The following KSR2 variants were observed in gnomAD, a reference collection of about 807,000 sequenced individuals.
The protein encoded by KSR2 is kinase suppressor of ras 2.
In KSR2, 25 loss-of-function variants were observed where a neutral mutation model predicts 107.8. The observed-to-expected ratio is 0.23, with a 90% CI of 0.17 to 0.32. KSR2 has a LOEUF of 0.32. Ranked by LOEUF, KSR2 falls within the 10% of genes least tolerant of loss-of-function variation. The pLI is 1.00. For missense variants in KSR2, 887 were observed against 1,268.9 expected, an observed-to-expected ratio of 0.70 and a Z score of 4.57; for synonymous variants, 480 against 507.0, an observed-to-expected ratio of 0.95 and a Z score of 0.71.
At position 117,527,645 on chromosome 12, in the gene KSR2, AG is replaced by A. The variant is rs573298838; in HGVS notation, c.1803-527del. On this transcript the variant is annotated intron_variant, in intron 12 of 19. Coordinates refer to ENST00000339824, the MANE Select transcript of KSR2 (RefSeq NM_173598.6). ...CGACTATTTAATAGATGTGTGTGCC[AG>A]GAACAGTGTTAGGCCCTTGGAGGGA... 1.1e-4 allele frequency among the ~76,000 whole-genome samples: 16 copies of A among 152,328 alleles called. 2 individuals are homozygous for A. The South Asian group carries it at 3.1e-3, about 30-fold the overall frequency.
chr12:117,589,013 A>T (rs548466861), intron 5 of KSR2, among the ~76,000 whole-genome samples: 1 of 152,364 alleles, frequency 6.6e-6, no homozygotes, highest in South Asian at 2.1e-4. Flanking sequence ...TAAGGAAAGT[A>T]AGGATAACTA....
intron 3 of KSR2, among the ~76,000 whole-genome samples, chr12:117,824,599 G>A (rs926905163): frequency 6.6e-6 from 1 of 152,224 alleles, no homozygotes; most frequent in Non-Finnish European, 1.5e-5. Flanking sequence ...GCTCATACCT[G>A]TAATCCCAGC....
chr12:117,780,096 G>A (rs1889834330), intron 3 of KSR2, among the ~76,000 whole-genome samples: 1 of 152,144 alleles, frequency 6.6e-6, no homozygotes, highest in Admixed American at 6.5e-5. Flanking sequence ...TGGATTACAA[G>A]TTGAAATGAT....
intron 9 of KSR2, among the ~76,000 whole-genome samples, chr12:117,547,418 A>G (rs942892088): frequency 5.9e-5 from 9 of 152,122 alleles, no homozygotes; most frequent in African/African-American, 2.2e-4. Flanking sequence ...ATCCTACCTC[A>G]GCAGGTGTGG....
rs376560191 is a variant in KSR2, at chr12:117,579,101, C to T, written c.1325+18G>A. The T allele has an allele frequency of 1.2e-6, 2 of 1,600,486 alleles. No homozygotes were observed. The highest frequency in any genetic ancestry group is 8.6e-7 in the Non-Finnish European group (1 of 1,169,522). ...CATCGGGTGCTGCGAAAAGTCACTG[C>T]AGGGCACAGTCACTTACTTGCAGTT... On this transcript the variant is annotated intron_variant, in intron 7 of 19. Coordinates refer to ENST00000339824, the MANE Select transcript of KSR2 (RefSeq NM_173598.6).
At chr12:117,621,372 A>C (rs1250874977) in intron 5 of KSR2, among the ~76,000 whole-genome samples, 5 of 152,220 alleles carry the variant, frequency 3.3e-5, no homozygotes, top group Non-Finnish European at 7.3e-5. Flanking sequence ...GGAATAATAC[A>C]GCAGTAGAGA....
intron 14 of KSR2, among the ~76,000 whole-genome samples, chr12:117,504,679 C>T (rs926495155): frequency 2.0e-5 from 3 of 152,038 alleles, no homozygotes; most frequent in African/African-American, 4.8e-5. Context: ...GGGACTGGTG[C>T]CACAGTATAT....
At chr12:117,627,532 A>G (rs191726112) in intron 5 of KSR2, among the ~76,000 whole-genome samples, 2 of 152,116 alleles carry the variant, frequency 1.3e-5, no homozygotes, top group East Asian at 3.9e-4. Context: ...ATTGGCCCCC[A>G]CTCTCTTCTG....
chr12:117,773,097 A>G (rs895583122), intron 3 of KSR2, among the ~76,000 whole-genome samples: 1 of 152,196 alleles, frequency 6.6e-6, no homozygotes, highest in Non-Finnish European at 1.5e-5. Context: ...GATGAGCTGT[A>G]TTGTATCAAC....
At chr12:117,666,322 A>C (rs77252495) in intron 5 of KSR2, among the ~76,000 whole-genome samples, 2,188 of 152,358 alleles carry the variant, frequency 0.014, 48 homozygotes, top group African/African-American at 0.051. Flanking sequence ...CAGAATTAAT[A>C]GATCTTGTCA....
At chr12:117,874,536 T>C (rs1171711433) in intron 1 of KSR2, among the ~76,000 whole-genome samples, 2 of 152,122 alleles carry the variant, frequency 1.3e-5, no homozygotes, top group African/African-American at 2.4e-5. Context: ...CCTGGCCCGA[T>C]TGTAAATATC....
chr12:117,900,317 A>G (rs1474115621), intron 1 of KSR2, among the ~76,000 whole-genome samples: 1 of 152,234 alleles, frequency 6.6e-6, no homozygotes, highest in African/African-American at 2.4e-5. Context: ...TCAGCTAATA[A>G]GAATCATAAT....
chr12:117,524,800 G>T, intron 14 of KSR2, 52 bp downstream of exon 14: 1 of 1,546,502 alleles, frequency 6.5e-7, no homozygotes, highest in Non-Finnish European at 8.7e-7. Context: ...TCTCAACCAT[G>T]CCAGAAGCAG....
Position 117,537,952 on chromosome 12 carries a change from G to A in KSR2, c.1687+1767C>T, listed in dbSNP as rs566659811. ...TTTGTGCACAGTTCTCCCATAAAAC[G>A]GCCCTTCCCCATCCCTTGGTCCATA... is the stretch of plus-strand genomic sequence containing the variant. On this transcript the variant is annotated intron_variant, in intron 10 of 19. Coordinates refer to ENST00000339824, the MANE Select transcript of KSR2 (RefSeq NM_173598.6). 3.9e-5 allele frequency among the ~76,000 whole-genome samples: 6 copies of A among 152,222 alleles called. 1 individual carries two copies. The South Asian group carries it at 1.0e-3, about 26-fold the overall frequency.
chr12:117,778,354 G>A (rs1380736437), intron 3 of KSR2, among the ~76,000 whole-genome samples: 3 of 152,134 alleles, frequency 2.0e-5, no homozygotes, highest in Admixed American at 6.5e-5. Flanking sequence ...GCCTCTCATA[G>A]TGCTGGGATT....
intron 14 of KSR2, among the ~76,000 whole-genome samples, chr12:117,504,664 TGACTGG>T (rs1238417776): frequency 4.6e-5 from 7 of 152,074 alleles, no homozygotes; most frequent in Admixed American, 2.6e-4. Flanking sequence ...TAGGAAGGGG[TGACTGG>T]GACTGGTGCC....
At chr12:117,729,982 A>G (rs1000644164) in intron 4 of KSR2, among the ~76,000 whole-genome samples, 10 of 152,196 alleles carry the variant, frequency 6.6e-5, no homozygotes, top group Non-Finnish European at 1.2e-4. Context: ...CTTATTAGCT[A>G]GGATAGGAGC....
At chr12:117,554,697 G>A (rs1487019152) in intron 9 of KSR2, among the ~76,000 whole-genome samples, 1 of 152,184 alleles carries the variant, frequency 6.6e-6, no homozygotes, top group Non-Finnish European at 1.5e-5. Flanking sequence ...CATATAAGAT[G>A]TGCCTTTCGC....
At chr12:117,499,504 G>A (rs1201522383) in intron 14 of KSR2, among the ~76,000 whole-genome samples, 1 of 152,166 alleles carries the variant, frequency 6.6e-6, no homozygotes, top group African/African-American at 2.4e-5. Flanking sequence ...TGAATCGGTG[G>A]GGAACTGAAA....
Sources: allele counts gnomAD v4.1 joint callset (sites outside exome capture counted in the v4.1 genomes callset), GRCh38; gene constraint gnomAD v4.1.1; transcripts MANE v1.5; gene names NCBI Gene and HGNC (gene_info 2026-07-23, HGNC 2026-07-21).